The following UNC5A variants were observed in gnomAD, a reference collection of about 807,000 sequenced individuals.
The protein encoded by UNC5A is unc-5 netrin receptor A.
Under a neutral mutation model 87.4 loss-of-function variants are expected in UNC5A, and 20 were observed. The ratio of observed to expected loss-of-function variants is 0.23; its 90% CI spans 0.16 to 0.33. UNC5A has a LOEUF of 0.33. UNC5A is among the 10% of genes least tolerant of loss of function. The pLI, the probability that UNC5A is intolerant of heterozygous loss-of-function variation, is 1.00. For synonymous variants in UNC5A, 438 were observed against 482.3 expected (o/e 0.91, Z 1.20); for missense variants, 844 against 1,133.4 (o/e 0.74, Z 3.67).
chr5:176,846,127 C>T (rs972993401), intron 1 of UNC5A, among the ~76,000 whole-genome samples: 12 of 152,026 alleles, frequency 7.9e-5, no homozygotes, highest in African/African-American at 2.7e-4. Flanking sequence ...TCTGCAGTGG[C>T]GAGCCTGGAG....
chr5:176,810,898 G>T lies in UNC5A; in HGVS notation c.70+78G>T. On this transcript the variant is annotated intron_variant, in intron 1 of 14. Transcript: ENST00000329542. This position sits in a 1 kb window ranked among gnomAD's most constrained non-coding sequence, Gnocchi z 7.3. ...AACGCTCGCTGCTCTGGGGGTCCCTGACCAGCGCTGCCAGACCCGGCTGGG... is the reference window on the plus strand; with the variant it reads ...AACGCTCGCTGCTCTGGGGGTCCCTTACCAGCGCTGCCAGACCCGGCTGGG... 2 of 1,161,310 alleles carry T rather than the reference G, an allele frequency of 1.7e-6. No individual in the cohort carries two copies. Among genetic ancestry groups the T allele is most frequent in the South Asian group, 8.6e-5 (2 of 23,222 alleles). 71.9% of individuals were successfully genotyped at this position (1,161,310 alleles called of 1,614,324 possible). A position where few individuals can be genotyped will look rare whatever the true frequency, so the allele number is the denominator to read the frequency against.
At chr5:176,878,439 G>A in intron 12 of UNC5A, 36 bp from the exon 13 acceptor site, 1 of 1,611,894 alleles carries the variant, frequency 6.2e-7, no homozygotes. Context: ...CTGGAGCTTG[G>A]GCTCACCTGA....
intron 1 of UNC5A, among the ~76,000 whole-genome samples, chr5:176,843,956 C>T (rs1375279000): frequency 6.6e-6 from 1 of 152,254 alleles, no homozygotes; most frequent in South Asian, 2.1e-4. Context: ...CTCAGCGACA[C>T]GTTAGCAAGA....
In UNC5A at chr5:176,841,339, G is replaced by A. The variant is rs1229728255; in HGVS notation, c.71-21285G>A. 1.3e-5 allele frequency among the ~76,000 whole-genome samples: 2 copies of A among 152,156 alleles called. No individual in the cohort carries two copies. Among genetic ancestry groups the A allele is most frequent in the African/African-American group, 2.4e-5 (1 of 41,450 alleles). On this transcript the variant is annotated intron_variant, in intron 1 of 14. Transcript: ENST00000329542. The surrounding 1 kb of genome is among the most constrained non-coding windows in gnomAD (Gnocchi z 4.1). Reference sequence around the variant, plus strand: ...ACTCAGACTCAGCTCCCAGCTTCCAGATCAGAGCTGTGCCCACCACCCCAG... The same window carrying A: ...ACTCAGACTCAGCTCCCAGCTTCCAAATCAGAGCTGTGCCCACCACCCCAG...
intron 1 of UNC5A, among the ~76,000 whole-genome samples, chr5:176,840,777 A>G (rs1161877980): frequency 6.6e-6 from 1 of 152,280 alleles, no homozygotes; most frequent in Non-Finnish European, 1.5e-5. Flanking sequence ...CTCATTCTGC[A>G]GTGGGACAAA....
At position 176,840,103 on chromosome 5, in the gene UNC5A, C is replaced by G. The variant is rs531008346; in HGVS notation, c.71-22521C>G. On this transcript the variant is annotated intron_variant, in intron 1 of 14. Coordinates refer to ENST00000329542, the MANE Select transcript of UNC5A (RefSeq NM_133369.3). ...AACTCCTGACCTCAAGCAGTCAGCG[C>G]ACCTCGGCCTCCCAAAGTGCTGGGA... Among the ~76,000 whole-genome samples the G allele has an allele frequency of 6.6e-5, 10 of 152,282 alleles. No homozygotes were observed. In the East Asian group the frequency reaches 1.9e-3, roughly 29 times the overall value.
Position 176,869,536 on chromosome 5 carries a change from C to T in UNC5A, c.721+572C>T. On this transcript the variant is annotated intron_variant, in intron 5 of 14. Coordinates refer to ENST00000329542, the MANE Select transcript of UNC5A (RefSeq NM_133369.3). The surrounding 1 kb of genome is among the most constrained non-coding windows in gnomAD (Gnocchi z 9.1). Reference sequence around the variant, plus strand: ...CGTGTCCAGCTCACAGCCCCTCTGCCCTCACGCCCCGTCCCCTGGGCCAGT... The same window carrying T: ...CGTGTCCAGCTCACAGCCCCTCTGCTCTCACGCCCCGTCCCCTGGGCCAGT... 1.5e-6 allele frequency: 1 copy of T among 646,924 alleles called. No homozygotes were observed. The highest frequency in any genetic ancestry group is 2.8e-6 in the Non-Finnish European group (1 of 352,636). The allele number at this position is 646,924 out of a possible 1,614,324, so 40.1% of individuals were successfully genotyped here.
At chr5:176,842,114 G>A (rs968464573) in intron 1 of UNC5A, among the ~76,000 whole-genome samples, 4 of 152,188 alleles carry the variant, frequency 2.6e-5, no homozygotes, top group African/African-American at 4.8e-5. Flanking sequence ...GGAGAATGGC[G>A]TGAACCCGGG....
rs1327430708 is a variant in UNC5A at position 176,880,044 on chromosome 5, CCCGAACT to C, written c.*161_*167del. 1.0e-6 allele frequency: 1 copy of C among 991,522 alleles called. No individual in the cohort carries two copies. The highest frequency in any genetic ancestry group is 1.6e-5 in the African/African-American group (1 of 61,134). 61.4% of individuals were successfully genotyped at this position (991,522 alleles called of 1,614,324 possible). On this transcript the variant is annotated 3_prime_UTR_variant, in exon 15 of 15. Transcript: ENST00000329542. ...CTTAATGCTGGTCCTTCAGACCCTG[CCCGAACT>C]CCCACCTCTCCATGGCCTGCCTAGC...
rs201478720 is a variant in UNC5A at position 176,878,359 on chromosome 5, C to A, written c.1985C>A (p.Ser662Tyr). 4.6e-5 allele frequency: 75 copies of A among 1,613,640 alleles called. No homozygotes were observed. The East Asian group carries it at 1.4e-3, about 30-fold the overall frequency. ...CTATCCATCCACGATGTGCCCAGCT[C>A]CCTGTGGAAGAGTAAGCTCCTTGTC... is the stretch of plus-strand genomic sequence containing the variant. ...LRLSIHDVPS[S>Y]LWKSKLLVSY... is the part of the protein sequence containing the mutation. Residue 662 changes from serine to tyrosine, a missense_variant, in exon 12 of 15, where the codon TCC (serine) becomes TAC (tyrosine). Ser to Tyr is a moderately radical substitution (Grantham distance 144). Coordinates refer to ENST00000329542, the MANE Select transcript of UNC5A (RefSeq NM_133369.3).
At chr5:176,827,003 C>T (rs1304434194) in intron 1 of UNC5A, among the ~76,000 whole-genome samples, 2 of 152,002 alleles carry the variant, frequency 1.3e-5, no homozygotes, top group African/African-American at 2.4e-5. Context: ...CCCCTTGCCC[C>T]AGCCCCTGGC....
At chr5:176,814,077 G>T (rs996561544) in intron 1 of UNC5A, among the ~76,000 whole-genome samples, 1 of 152,092 alleles carries the variant, frequency 6.6e-6, no homozygotes, top group African/African-American at 2.4e-5. Context: ...CCTACTTGTG[G>T]CATTGCTCAT....
chr5:176,837,409 A>C (rs1434901718), intron 1 of UNC5A, among the ~76,000 whole-genome samples: 1 of 151,866 alleles, frequency 6.6e-6, no homozygotes, highest in Non-Finnish European at 1.5e-5. Context: ...CCAGAGCCCT[A>C]CTCTGCCTGG....
At position 176,878,249 on chromosome 5, in the gene UNC5A, G is replaced by A. The variant is rs774771118; in HGVS notation, c.1875G>A (p.Val625=). The change falls in exon 12 of 15, where the codon GTG becomes GTA. Residue 625 remains valine, a synonymous_variant. Transcript: ENST00000329542. ...GACCACCTGGGGCACTGCAGGAGGT[G>A]GTGCAGCTGGAGAAGCAGCTGGGGG... The part of the protein sequence containing the change: ...LHDTHDALKE[V]VQLEKQLGGQ... The A allele has an allele frequency of 1.2e-6, 2 of 1,611,396 alleles. No individual in the cohort carries two copies. Among genetic ancestry groups the A allele is most frequent in the South Asian group, 2.2e-5 (2 of 90,990 alleles).
rs1364233679 is a variant in UNC5A, at chr5:176,880,796, G to A, written c.*910G>A. On this transcript the variant is annotated 3_prime_UTR_variant, in exon 15 of 15. Transcript: ENST00000329542. ...CTGACTTTGTCTTAAGTGCATTCAC[G>A]CACTTACTCTTGGCCTTATGTACAC... 9.0e-6 allele frequency: 3 copies of A among 333,066 alleles called. No homozygotes were observed. The highest frequency in any genetic ancestry group is 1.2e-4 in the South Asian group (2 of 16,026). The allele number at this position is 333,066 out of a possible 1,614,324, so 20.6% of individuals were successfully genotyped here.
intron 1 of UNC5A, among the ~76,000 whole-genome samples, chr5:176,858,924 G>A (rs947508741): frequency 6.6e-6 from 1 of 152,176 alleles, no homozygotes; most frequent in African/African-American, 2.4e-5. Flanking sequence ...CCGAGGGGGG[G>A]ACAGACAGAT....
In UNC5A at chr5:176,857,847, C is replaced by T. The variant is rs146957974; in HGVS notation, c.71-4777C>T. 5.9e-3 allele frequency among the ~76,000 whole-genome samples: 896 copies of T among 152,294 alleles called. 12 individuals carry two copies. Among genetic ancestry groups the T allele is most frequent in the African/African-American group, 0.02 (850 of 41,548 alleles). ...TGAGGTCTTCTAACTTAATTCCAAGCGGGCAGCCAGGCCAGGTCACGTCCC... is the reference window on the plus strand; with the variant it reads ...TGAGGTCTTCTAACTTAATTCCAAGTGGGCAGCCAGGCCAGGTCACGTCCC... On this transcript the variant is annotated intron_variant, in intron 1 of 14. Transcript: ENST00000329542.
In UNC5A at chr5:176,866,561, T is replaced by A. The variant is rs1243183071; in HGVS notation, c.293-1569T>A. Among the ~76,000 whole-genome samples, 2 of 152,118 alleles carry A rather than the reference T, an allele frequency of 1.3e-5. No individual in the cohort carries two copies. The highest frequency in any genetic ancestry group is 2.9e-5 in the Non-Finnish European group (2 of 68,002). ...GCACCACGGGGGATGGAGGAACCAT[T>A]AACAGACTTGTCCACCCAAGGGAGA... On this transcript the variant is annotated intron_variant, in intron 2 of 14. Transcript: ENST00000329542. The surrounding 1 kb of genome is among the most constrained non-coding windows in gnomAD (Gnocchi z 5.0).
intron 6 of UNC5A, 65 bp from the exon 7 acceptor site, chr5:176,873,901 ACC>A: frequency 6.5e-7 from 1 of 1,540,014 alleles, no homozygotes; most frequent in South Asian, 1.2e-5. Context: ...TGGGGTGCAG[ACC>A]ACTGACCTCT....
Sources: gnomAD v4.1 joint callset for allele counts (sites outside exome capture counted in the v4.1 genomes callset) on GRCh38, gnomAD v4.1.1 for gene constraint, Gnocchi (gnomAD v3.1) non-coding constraint, MANE v1.5 for transcripts, NCBI Gene and HGNC (gene_info 2026-07-23, HGNC 2026-07-21) for gene names.